The following PIK3CA variants were observed in gnomAD, a reference collection of about 807,000 sequenced individuals.
PIK3CA encodes the protein phosphatidylinositol 4,5-bisphosphate 3-kinase catalytic subunit alpha isoform.
A neutral mutation model predicts 138.2 loss-of-function variants in PIK3CA; 27 were observed. The ratio of observed to expected loss-of-function variants is 0.20; its 90% confidence interval spans 0.14 to 0.27. The LOEUF is 0.27. Among genes scored for constraint, PIK3CA ranks in the 10% least tolerant of loss-of-function variants. The probability of loss-of-function intolerance (pLI) is 1.00; values close to 1 mark genes in which losing one functional copy is unlikely to be tolerated. For missense variants in PIK3CA, 544 were observed against 1,277.4 expected, an observed-to-expected ratio of 0.43 and a Z score of 8.75; for synonymous variants, 358 against 413.2, an observed-to-expected ratio of 0.87 and a Z score of 1.62.
chr3:179,185,413 C>T (rs1181886055), intron 1 of PIK3CA, among the ~76,000 whole-genome samples: 1 of 152,236 alleles, frequency 6.6e-6, no homozygotes, highest in Admixed American at 6.5e-5. Flanking sequence ...ACTTCTGTAA[C>T]TGCTGGTCGC....
At chr3:179,202,291 G>A (rs1160872472) in intron 4 of PIK3CA, among the ~76,000 whole-genome samples, 7 of 151,866 alleles carry the variant, frequency 4.6e-5, no homozygotes, top group Non-Finnish European at 1.0e-4. Flanking sequence ...GGTTGGTCTC[G>A]AATTCTGGGC....
At chr3:179,207,628 C>T (rs1412856825) in intron 6 of PIK3CA, among the ~76,000 whole-genome samples, 1 of 151,436 alleles carries the variant, frequency 6.6e-6, no homozygotes, top group Admixed American at 6.6e-5. Flanking sequence ...TCACTGCAAC[C>T]TCTGCCTCAG....
intron 1 of PIK3CA, among the ~76,000 whole-genome samples, chr3:179,156,640 T>C (rs1376153192): frequency 4.6e-5 from 7 of 152,202 alleles, no homozygotes; most frequent in Non-Finnish European, 7.3e-5. Context: ...GTTTATGCTA[T>C]TGATTTATTG....
intron 1 of PIK3CA, chr3:179,169,305 A>C (rs538058761): frequency 2.6e-5 from 4 of 152,104 alleles, no homozygotes; most frequent in Non-Finnish European, 4.4e-5. Context: ...TAGAATCAGC[A>C]TGCTTAATTC....
intron 6 of PIK3CA, among the ~76,000 whole-genome samples, chr3:179,206,608 T>TAC (rs1724568318): frequency 6.6e-6 from 1 of 152,076 alleles, no homozygotes; most frequent in South Asian, 2.1e-4. Flanking sequence ...GTACCACAAG[T>TAC]TAAACTAGCT....
At chr3:179,194,904 G>A (rs897684820) in intron 1 of PIK3CA, among the ~76,000 whole-genome samples, 15 of 151,242 alleles carry the variant, frequency 9.9e-5, no homozygotes, top group Admixed American at 6.6e-4. Flanking sequence ...TGTTAAAGTC[G>A]TTCCCCAGTA....
chr3:179,156,990 A>G (rs1723154149), intron 1 of PIK3CA, among the ~76,000 whole-genome samples: 1 of 152,180 alleles, frequency 6.6e-6, no homozygotes, highest in South Asian at 2.1e-4. Context: ...GTCAGCCACT[A>G]TTTTGTGAAT....
chr3:179,182,644 C>T (rs1197734462), intron 1 of PIK3CA, among the ~76,000 whole-genome samples: 1 of 151,992 alleles, frequency 6.6e-6, no homozygotes, highest in Non-Finnish European at 1.5e-5. Flanking sequence ...GTACTCCAGC[C>T]TGGATAACTG....
rs533577617 is a variant in PIK3CA at position 179,158,536 on chromosome 3, G to T, written c.-77+9933G>T. ...CTAAAGACAAGAGTTGTGTCGTATT[G>T]TCACATAGTCCTTATATTACAGGGC... On this transcript the variant is annotated intron_variant, in intron 1 of 20. Coordinates refer to ENST00000263967, the MANE Select transcript of PIK3CA (RefSeq NM_006218.4). 5.9e-5 allele frequency among the ~76,000 whole-genome samples: 9 copies of T among 152,052 alleles called. No individual in the cohort carries two copies. The South Asian group carries it at 1.7e-3, about 28-fold the overall frequency.
At chr3:179,228,524 T>C (rs1014005313) in intron 17 of PIK3CA, among the ~76,000 whole-genome samples, 41 of 152,228 alleles carry the variant, frequency 2.7e-4, no homozygotes, top group African/African-American at 9.1e-4. Context: ...AAGTCTATTA[T>C]AATACTCCTT....
intron 9 of PIK3CA, among the ~76,000 whole-genome samples, chr3:179,212,299 C>T (rs61796482): frequency 0.24 from 35,693 of 147,494 alleles, 5,042 homozygotes; most frequent in African/African-American, 0.39. Context: ...TGAGCCACCG[C>T]GCCCGGCCAA....
intron 3 of PIK3CA, among the ~76,000 whole-genome samples, chr3:179,200,241 T>A (rs1347130768): frequency 1.3e-5 from 2 of 151,990 alleles, no homozygotes; most frequent in Non-Finnish European, 2.9e-5. Flanking sequence ...TTTATGAAAT[T>A]TTGGGAAAAC....
Position 179,187,276 on chromosome 3 carries a change from A to G in PIK3CA, c.-76-11474A>G, listed in dbSNP as rs374221642. Among the ~76,000 whole-genome samples the G allele has an allele frequency of 2.9e-3, 440 of 152,028 alleles. 1 individual carries two copies. Among genetic ancestry groups the G allele is most frequent in the African/African-American group, 9.6e-3 (399 of 41,502 alleles). On this transcript the variant is annotated intron_variant, in intron 1 of 20. Transcript: ENST00000263967. Reference sequence around the variant, plus strand: ...AGGGAGGCCGGGTGCGGTGGCTCACACCTGTAATCCCAGCACTTTGGGAGG... The same window carrying G: ...AGGGAGGCCGGGTGCGGTGGCTCACGCCTGTAATCCCAGCACTTTGGGAGG...
Position 179,226,029 on chromosome 3 carries a change from T to C in PIK3CA, c.2484T>C (p.Gly828=). The C allele has an allele frequency of 6.3e-7, 1 of 1,586,574 alleles. No individual in the cohort carries two copies. The highest frequency in any genetic ancestry group is 8.6e-7 in the Non-Finnish European group (1 of 1,156,220). The stretch of plus-strand genomic sequence containing the variant: ...TGGAAAATATCTGGCAAAATCAAGG[T>C]CTTGATCTTCGGTAGGTAACCAGTA... The part of the protein sequence containing the change: ...RIMENIWQNQ[G]LDLRMLPYGC... Residue 828 remains glycine, a synonymous_variant, in exon 17 of 21, where the codon GGT becomes GGC. Transcript: ENST00000263967.
chr3:179,150,252 CTT>C lies in PIK3CA; in HGVS notation c.-77+1650_-77+1651del, dbSNP rs368181081. 6.7e-3 allele frequency among the ~76,000 whole-genome samples: 1,020 copies of C among 151,324 alleles called. 63 individuals are homozygous for C. In the South Asian group the frequency reaches 0.14, roughly 20 times the overall value. On this transcript the variant is annotated intron_variant, in intron 1 of 20. Transcript: ENST00000263967. ...TCTCACATTTTGGGACAAAATAAAA[CTT>C]CATAGCTTTTTTCAAAAGTTTCTTG...
At chr3:179,196,769 C>A (rs1209438656) in intron 1 of PIK3CA, among the ~76,000 whole-genome samples, 2 of 152,144 alleles carry the variant, frequency 1.3e-5, no homozygotes, top group Admixed American at 6.6e-5. Context: ...CTCTTTAAGT[C>A]ACACTGGCTA....
At chr3:179,180,745 A>G (rs952844585) in intron 1 of PIK3CA, among the ~76,000 whole-genome samples, 4 of 152,214 alleles carry the variant, frequency 2.6e-5, no homozygotes, top group African/African-American at 9.6e-5. Context: ...AAAGGAGGCC[A>G]TAAAAACAAC....
intron 1 of PIK3CA, among the ~76,000 whole-genome samples, chr3:179,148,862 C>T (rs1722928747): frequency 6.6e-6 from 1 of 152,166 alleles, no homozygotes; most frequent in Non-Finnish European, 1.5e-5. Flanking sequence ...TCCTTTGCTT[C>T]TACTCCCAGT....
At chr3:179,183,372 A>T (rs1262853869) in intron 1 of PIK3CA, among the ~76,000 whole-genome samples, 1 of 152,134 alleles carries the variant, frequency 6.6e-6, no homozygotes, top group African/African-American at 2.4e-5. Context: ...TCCCAGATAG[A>T]CTTGGGGTGT....
Sources: gnomAD v4.1 joint callset for allele counts (sites outside exome capture counted in the v4.1 genomes callset) on GRCh38, gnomAD v4.1.1 for gene constraint, MANE v1.5 for transcripts, NCBI Gene and HGNC (gene_info 2026-07-23, HGNC 2026-07-21) for gene names.